COL5A1: variants seen among roughly 807,000 people sequenced by gnomAD.
COL5A1 encodes collagen alpha-1(V) chain.
In COL5A1, 16 loss-of-function variants were observed where a neutral mutation model predicts 263.7. The ratio of observed to expected loss-of-function variants is 0.06; its 90% CI spans 0.04 to 0.09. COL5A1 has a LOEUF of 0.09. Among genes scored for constraint, COL5A1 ranks in the 10% least tolerant of loss-of-function variants. The pLI, the probability that COL5A1 is intolerant of heterozygous loss-of-function variation, is 1.00. For synonymous variants in COL5A1, 1,012 were observed against 1,004.5 expected, an observed-to-expected ratio of 1.01 and a Z score of -0.14; for missense variants, 2,036 against 2,540.5, an observed-to-expected ratio of 0.80 and a Z score of 4.27.
At chr9:134,825,588 G>GTGAA (rs1274917548) in intron 62 of COL5A1, among the ~76,000 whole-genome samples, 4 of 152,172 alleles carry the variant, frequency 2.6e-5, no homozygotes, top group Non-Finnish European at 5.9e-5. Flanking sequence ...TGTGTTCTTG[G>GTGAA]TGAATGAGTT....
chr9:134,791,481 T>A (rs976107012), intron 32 of COL5A1, among the ~76,000 whole-genome samples: 1 of 151,966 alleles, frequency 6.6e-6, no homozygotes, highest in African/African-American at 2.4e-5. Context: ...ACTGCCTGGC[T>A]TTCTGGACAG....
chr9:134,791,425 G>A (rs909834840), intron 32 of COL5A1, among the ~76,000 whole-genome samples: 8 of 152,274 alleles, frequency 5.3e-5, no homozygotes, highest in African/African-American at 1.4e-4. Context: ...GCCTTTGCCC[G>A]CATGAGCCTT....
chr9:134,704,800 T>C (rs1049487938), intron 4 of COL5A1, among the ~76,000 whole-genome samples: 1 of 118,288 alleles, frequency 8.5e-6, no homozygotes, highest in African/African-American at 2.7e-5. Flanking sequence ...TTTCTTTTTT[T>C]TTTTTCCCTT....
At chr9:134,826,481 T>C (rs1270647457) in intron 63 of COL5A1, among the ~76,000 whole-genome samples, 1 of 152,222 alleles carries the variant, frequency 6.6e-6, no homozygotes, top group Non-Finnish European at 1.5e-5. Context: ...GCCTCAGCGC[T>C]GTAGCAGGAG....
intron 25 of COL5A1, among the ~76,000 whole-genome samples, chr9:134,771,020 T>C (rs1465277464): frequency 6.6e-6 from 1 of 152,238 alleles, no homozygotes; most frequent in East Asian, 1.9e-4. Context: ...CCGCTAACTC[T>C]GCTTGGTGCT....
rs1369003074 is a variant in COL5A1, at chr9:134,814,844, T to G, written c.3954T>G (p.Gly1318=). The change falls in exon 50 of 66, where the codon GGT becomes GGG. Residue 1318 remains glycine, a synonymous_variant. Transcript: ENST00000371817. ...AGAAGGGCGAGTCAGGCCCTTCAGG[T>G]GCTGCCGGACCCCCTGGACCCAAAG... The part of the protein sequence containing the change: ...RGEKGESGPS[G]AAGPPGPKGP... 1.3e-6 allele frequency: 2 copies of G among 1,551,730 alleles called. No individual in the cohort carries two copies. The highest frequency in any genetic ancestry group is 1.7e-6 in the Non-Finnish European group (2 of 1,147,246).
intron 44 of COL5A1, 105 bp from the exon 45 acceptor site, chr9:134,811,234 C>T (rs182544789): frequency 3.0e-5 from 30 of 984,290 alleles, no homozygotes; most frequent in African/African-American, 9.5e-5. Context: ...ACTGAACTGA[C>T]GACGTTGGAT....
chr9:134,791,670 G>A (rs574285594), intron 32 of COL5A1, among the ~76,000 whole-genome samples: 16 of 152,134 alleles, frequency 1.1e-4, no homozygotes, highest in Middle Eastern at 3.4e-3. Context: ...GCCTCTGGGC[G>A]CTGGCTTGCC....
chr9:134,697,153 G>A (rs1394492930), intron 2 of COL5A1, among the ~76,000 whole-genome samples: 1 of 152,036 alleles, frequency 6.6e-6, no homozygotes, highest in Non-Finnish European at 1.5e-5. Context: ...GAAACATGAA[G>A]TGTTCGACAG....
chr9:134,646,092 C>G (rs75997918), intron 1 of COL5A1, among the ~76,000 whole-genome samples: 17,142 of 152,118 alleles, frequency 0.11, 1,145 homozygotes, highest in South Asian at 0.13. Flanking sequence ...CACCACTTCC[C>G]AGGCCTCTCT....
chr9:134,807,674 T>G (rs774701215), intron 42 of COL5A1, among the ~76,000 whole-genome samples: 1 of 152,216 alleles, frequency 6.6e-6, no homozygotes, highest in Non-Finnish European at 1.5e-5. Context: ...GGCAGGAACT[T>G]CCCTGGAAAC....
chr9:134,701,139 A>G (rs376263319), intron 3 of COL5A1, 32 bp from the exon 4 acceptor site: 3 of 1,612,520 alleles, frequency 1.9e-6, no homozygotes, highest in African/African-American at 2.7e-5. Context: ...TCTGTGATCC[A>G]AGCCCTGTCT....
At chr9:134,653,408 AGCCAGAG>A (rs1831762692) in intron 1 of COL5A1, 1 of 152,398 alleles carries the variant, frequency 6.6e-6, no homozygotes, top group Non-Finnish European at 1.5e-5. Context: ...ACCCCGTTCC[AGCCAGAG>A]GCCAGCCCAC....
intron 31 of COL5A1, among the ~76,000 whole-genome samples, chr9:134,786,356 T>G (rs1837458862): frequency 6.6e-6 from 1 of 152,216 alleles, no homozygotes; most frequent in African/African-American, 2.4e-5. Flanking sequence ...GCTCTCAGCC[T>G]CCACCGTGTT....
chr9:134,735,847 G>C (rs1835076595), intron 9 of COL5A1, among the ~76,000 whole-genome samples: 1 of 152,262 alleles, frequency 6.6e-6, no homozygotes, highest in African/African-American at 2.4e-5. Context: ...GTGCATCTGT[G>C]TAAACACAGT....
At chr9:134,823,303 G>A (rs1839099475) in intron 60 of COL5A1, 113 bp from the exon 61 acceptor site, 1 of 1,211,352 alleles carries the variant, frequency 8.3e-7, no homozygotes, top group Admixed American at 1.7e-5. Context: ...TGCTGTGGCT[G>A]ATAGGGCCAC....
chr9:134,807,210 T>C (rs1289353411), intron 42 of COL5A1, among the ~76,000 whole-genome samples: 1 of 152,230 alleles, frequency 6.6e-6, no homozygotes, highest in Non-Finnish European at 1.5e-5. Flanking sequence ...AGAATGAGCT[T>C]GAGTTCTCCA....
intron 4 of COL5A1, among the ~76,000 whole-genome samples, chr9:134,701,642 G>A (rs985776942): frequency 1.3e-5 from 2 of 152,148 alleles, no homozygotes; most frequent in South Asian, 2.1e-4. Flanking sequence ...GTCCAGCCTC[G>A]TGCTGAGGCT....
At chr9:134,760,482 T>C (rs1588516392) in intron 18 of COL5A1, among the ~76,000 whole-genome samples, 1 of 63,876 alleles carries the variant, frequency 1.6e-5, no homozygotes, top group Admixed American at 2.2e-4. Context: ...CATACACACA[T>C]GCACACACAC....
Sources: gnomAD v4.1 joint callset for allele counts (sites outside exome capture counted in the v4.1 genomes callset) on GRCh38, gnomAD v4.1.1 for gene constraint, MANE v1.5 for transcripts, NCBI Gene and HGNC (gene_info 2026-07-23, HGNC 2026-07-21) for gene names.